Variants in AP2B1 observed in about 807,000 individuals in gnomAD.
AP2B1 encodes the protein AP-2 complex subunit beta.
Under a neutral mutation model 102.0 loss-of-function variants are expected in AP2B1, and 23 were observed. That is an observed-to-expected ratio of 0.23 (90% CI 0.16 to 0.32). The LOEUF is 0.32. Ranked by LOEUF, AP2B1 falls within the 10% of genes least tolerant of loss-of-function variation. AP2B1 has a pLI of 1.00. For synonymous variants in AP2B1, 381 were observed against 421.2 expected (o/e 0.90, Z 1.17); for missense variants, 541 against 1,157.4 (o/e 0.47, Z 7.73).
At chr17:35,647,799 C>T (rs1023285222) in intron 12 of AP2B1, among the ~76,000 whole-genome samples, 3 of 151,978 alleles carry the variant, frequency 2.0e-5, no homozygotes, top group East Asian at 1.9e-4. Context: ...TTCATCTGCT[C>T]GCTTAGAAAC....
intron 10 of AP2B1, among the ~76,000 whole-genome samples, chr17:35,637,825 C>G (rs759734212): frequency 5.2e-4 from 79 of 151,704 alleles, no homozygotes; most frequent in Admixed American, 2.3e-3. Context: ...GCTGGGATTA[C>G]AGGTGGCTGC....
intron 12 of AP2B1, among the ~76,000 whole-genome samples, chr17:35,648,342 C>A (rs981355478): frequency 1.3e-5 from 2 of 151,912 alleles, no homozygotes; most frequent in African/African-American, 2.4e-5. Flanking sequence ...ATAGAAAAAC[C>A]CTGTCTCTAC....
At chr17:35,607,479 A>G (rs2073720252) in intron 4 of AP2B1, among the ~76,000 whole-genome samples, 1 of 152,216 alleles carries the variant, frequency 6.6e-6, no homozygotes, top group Non-Finnish European at 1.5e-5. Context: ...AGAGTTGTGC[A>G]TAGATTTACA....
At chr17:35,664,127 T>C (rs1020321263) in intron 14 of AP2B1, among the ~76,000 whole-genome samples, 2 of 152,188 alleles carry the variant, frequency 1.3e-5, no homozygotes, top group African/African-American at 4.8e-5. Context: ...TGAGCTGTAA[T>C]AAAGCAGTAG....
chr17:35,612,928 A>G lies in AP2B1; in HGVS notation c.525+4541A>G, dbSNP rs147289571. Among the ~76,000 whole-genome samples the G allele has an allele frequency of 1.2e-3, 179 of 151,716 alleles. 3 individuals are homozygous for G. Among genetic ancestry groups the G allele is most frequent in the African/African-American group, 3.7e-3 (152 of 41,316 alleles). On this transcript the variant is annotated intron_variant, in intron 5 of 21. Coordinates refer to ENST00000610402, the MANE Select transcript of AP2B1 (RefSeq NM_001030006.2). ...CACACAGAACTGCTTCATTTTCTCA[A>G]AGTGTTTACGTTTGAATACATAAAG...
At chr17:35,656,752 G>T (rs1247849325) in intron 13 of AP2B1, among the ~76,000 whole-genome samples, 2 of 152,138 alleles carry the variant, frequency 1.3e-5, no homozygotes, top group African/African-American at 2.4e-5. Context: ...GGGCACGGTG[G>T]TGGGCGCCTG....
chr17:35,705,795 T>C lies in AP2B1; in HGVS notation c.2455-3429T>C, dbSNP rs587739926. Among the ~76,000 whole-genome samples, 23 of 152,078 alleles carry C rather than the reference T, an allele frequency of 1.5e-4. No individual in the cohort carries two copies. In the East Asian group the frequency reaches 4.5e-3, roughly 30 times the overall value. On this transcript the variant is annotated intron_variant, in intron 18 of 21. Coordinates refer to ENST00000610402, the MANE Select transcript of AP2B1 (RefSeq NM_001030006.2). ...CCTCAGCTTCCCAAGGCTCACATGG[T>C]GGCTCACGCCTGCTGGGATTACAGG...
intron 4 of AP2B1, among the ~76,000 whole-genome samples, chr17:35,607,147 C>T (rs575325221): frequency 1.3e-5 from 2 of 152,202 alleles, no homozygotes; most frequent in South Asian, 2.1e-4. Flanking sequence ...TCAGGTGATC[C>T]GCCCACCTTG....
intron 18 of AP2B1, among the ~76,000 whole-genome samples, chr17:35,688,346 T>C (rs1352407853): frequency 6.6e-6 from 1 of 152,250 alleles, no homozygotes; most frequent in Non-Finnish European, 1.5e-5. Flanking sequence ...GAAGCCGTTC[T>C]GATTCTTGAT....
At chr17:35,707,300 G>A (rs1229150542) in intron 18 of AP2B1, among the ~76,000 whole-genome samples, 3 of 151,792 alleles carry the variant, frequency 2.0e-5, no homozygotes, top group African/African-American at 7.3e-5. Context: ...CTCCAGGCAT[G>A]TGCCACCACA....
At chr17:35,664,456 A>G (rs901319555) in intron 14 of AP2B1, among the ~76,000 whole-genome samples, 2 of 152,058 alleles carry the variant, frequency 1.3e-5, no homozygotes, top group African/African-American at 4.8e-5. Flanking sequence ...GGTTCTATTC[A>G]TATGTTTGTC....
intron 9 of AP2B1, among the ~76,000 whole-genome samples, chr17:35,635,123 C>T (rs1045722818): frequency 2.0e-5 from 3 of 152,210 alleles, no homozygotes; most frequent in African/African-American, 7.2e-5. Flanking sequence ...ACGATCTCGG[C>T]TCACTGCAAC....
intron 21 of AP2B1, 87 bp from the exon 22 acceptor site, chr17:35,723,538 A>G (rs998540825): frequency 2.3e-6 from 2 of 856,758 alleles, no homozygotes; most frequent in Non-Finnish European, 4.0e-6. Context: ...CACTGTGTCA[A>G]AAGTTTTCTT....
intron 5 of AP2B1, among the ~76,000 whole-genome samples, chr17:35,610,975 C>T (rs2073845175): frequency 2.0e-5 from 3 of 151,706 alleles, no homozygotes; most frequent in African/African-American, 4.8e-5. Flanking sequence ...CTTGGGAGGC[C>T]GAGGTGGGAG....
intron 18 of AP2B1, among the ~76,000 whole-genome samples, chr17:35,694,066 T>C (rs2076091410): frequency 6.6e-6 from 1 of 152,186 alleles, no homozygotes; most frequent in Non-Finnish European, 1.5e-5. Flanking sequence ...GATTGAAAAA[T>C]CAGTTATGTT....
intron 12 of AP2B1, among the ~76,000 whole-genome samples, chr17:35,643,734 A>G (rs375035620): frequency 6.6e-6 from 1 of 152,198 alleles, no homozygotes. Context: ...CTAAAATACT[A>G]TCAGTCTGTA....
At chr17:35,657,242 T>A (rs1014955232) in intron 13 of AP2B1, among the ~76,000 whole-genome samples, 1 of 152,368 alleles carries the variant, frequency 6.6e-6, no homozygotes, top group East Asian at 1.9e-4. Context: ...ATTTTTTTGT[T>A]GGTGTGTGAG....
At chr17:35,618,652 C>T (rs1000971064) in intron 5 of AP2B1, among the ~76,000 whole-genome samples, 3 of 152,194 alleles carry the variant, frequency 2.0e-5, no homozygotes, top group African/African-American at 7.2e-5. Flanking sequence ...AGAGATTCCT[C>T]ATAAGTGAGC....
At position 35,726,273 on chromosome 17, in the gene AP2B1, T is replaced by C. The variant is rs1014153676; in HGVS notation, c.*2574T>C. On this transcript the variant is annotated 3_prime_UTR_variant, in exon 22 of 22. Transcript: ENST00000610402. The stretch of plus-strand genomic sequence containing the variant: ...TGAAGCTTGAGACTCTGGAAAGAAA[T>C]GGGGAGGGGGGGCAGGGGAAATGTT... 6.0e-5 allele frequency: 6 copies of C among 99,884 alleles called. No individual in the cohort carries two copies. Among genetic ancestry groups the C allele is most frequent in the Non-Finnish European group, 1.2e-4 (6 of 49,610 alleles). The allele number at this position is 99,884 out of a possible 1,614,324, so 6.2% of individuals were successfully genotyped here.
Sources: gnomAD v4.1 joint callset for allele counts (sites outside exome capture counted in the v4.1 genomes callset) on GRCh38, gnomAD v4.1.1 for gene constraint, MANE v1.5 for transcripts, NCBI Gene and HGNC (gene_info 2026-07-23, HGNC 2026-07-21) for gene names.